The following RAD54B variants were observed in gnomAD, a reference collection of about 807,000 sequenced individuals.
RAD54B encodes RAD54 homolog B, also known as DNA repair and recombination protein RAD54B.
RAD54B carries 78 observed loss-of-function variants against 95.8 expected under a neutral mutation model. The observed-to-expected ratio is 0.81, with a 90% confidence interval of 0.68 to 0.98. The LOEUF (loss-of-function observed/expected upper bound fraction) is 0.98. RAD54B is among the 50% of genes least tolerant of loss of function. The pLI is 0.00. For missense variants in RAD54B, 957 were observed against 1,056.6 expected, an observed-to-expected ratio of 0.91 and a Z score of 1.31; for synonymous variants, 328 against 354.9, an observed-to-expected ratio of 0.92 and a Z score of 0.85.
At chr8:94,395,042 G>C (rs1811110904) in intron 8 of RAD54B, among the ~76,000 whole-genome samples, 1 of 152,164 alleles carries the variant, frequency 6.6e-6, no homozygotes. Context: ...GCCTCTAAAA[G>C]AATATGCATG....
rs1176493575 is a variant in RAD54B, at chr8:94,404,250, G to C, written c.782-11C>G. 1 of 1,578,634 alleles carries C rather than the reference G, an allele frequency of 6.3e-7. No homozygotes were observed. Among genetic ancestry groups the C allele is most frequent in the Non-Finnish European group, 8.6e-7 (1 of 1,164,166 alleles). ...GCATAACGAGGGAATCTTAAAAAATGATAAAAGTACAAGTATTGTAATTTC... is the reference window on the plus strand; with the variant it reads ...GCATAACGAGGGAATCTTAAAAAATCATAAAAGTACAAGTATTGTAATTTC... On this transcript the variant is annotated splice_polypyrimidine_tract_variant and intron_variant, in intron 5 of 14. Coordinates refer to ENST00000336148, the MANE Select transcript of RAD54B (RefSeq NM_012415.3).
intron 3 of RAD54B, among the ~76,000 whole-genome samples, chr8:94,445,184 G>A (rs1283465280): frequency 6.6e-6 from 1 of 152,022 alleles, no homozygotes; most frequent in Non-Finnish European, 1.5e-5. Flanking sequence ...TCAGTATGTC[G>A]TCACATGGTA....
intron 8 of RAD54B, among the ~76,000 whole-genome samples, chr8:94,394,710 A>T (rs1811101397): frequency 6.6e-6 from 1 of 152,222 alleles, no homozygotes; most frequent in Non-Finnish European, 1.5e-5. Flanking sequence ...TAATAGTGCC[A>T]AAAGAACATA....
chr8:94,396,751 A>G (rs1339235791), intron 8 of RAD54B, among the ~76,000 whole-genome samples: 1 of 152,156 alleles, frequency 6.6e-6, no homozygotes, highest in Admixed American at 6.6e-5. Context: ...TCCTATGTTG[A>G]AGCTCTAACC....
Position 94,393,420 on chromosome 8 carries a change from G to GT in RAD54B, c.1518+322dup, listed in dbSNP as rs1470126895. On this transcript the variant is annotated intron_variant, in intron 9 of 14. Transcript: ENST00000336148. Reference sequence around the variant, plus strand: ...TCAAGGCCAGACTGGGCAACGCAGAGTGACACCATCTCTAAATAAACAAAC... The same window carrying GT: ...TCAAGGCCAGACTGGGCAACGCAGAGTTGACACCATCTCTAAATAAACAAAC... 10 of 238,090 alleles carry GT rather than the reference G, an allele frequency of 4.2e-5. No individual in the cohort carries two copies. The East Asian group carries it at 1.5e-3, about 35-fold the overall frequency. 14.7% of individuals were successfully genotyped at this position (238,090 alleles called of 1,614,324 possible).
At chr8:94,400,086 C>A in intron 7 of RAD54B, 152 bp downstream of exon 7, 1 of 648,194 alleles carries the variant, frequency 1.5e-6, no homozygotes, top group Non-Finnish European at 2.7e-6. Context: ...GGGACACAAA[C>A]ATTCAGTCCA....
At chr8:94,433,168 C>T (rs1428625509) in intron 3 of RAD54B, among the ~76,000 whole-genome samples, 2 of 151,970 alleles carry the variant, frequency 1.3e-5, no homozygotes, top group African/African-American at 4.8e-5. Context: ...CTGCATTTGC[C>T]CAAAAAATAA....
At chr8:94,461,212 GC>G (rs1340017863) in intron 2 of RAD54B, among the ~76,000 whole-genome samples, 5 of 116,076 alleles carry the variant, frequency 4.3e-5, no homozygotes, top group African/African-American at 1.7e-4. Context: ...TGCTCTTGTG[GC>G]CCAGGCTGGA....
chr8:94,452,457 C>G (rs570290781), intron 3 of RAD54B, among the ~76,000 whole-genome samples: 3 of 152,172 alleles, frequency 2.0e-5, no homozygotes, highest in Non-Finnish European at 4.4e-5. Context: ...ACAATACACA[C>G]AAAAATGTTA....
intron 3 of RAD54B, among the ~76,000 whole-genome samples, chr8:94,424,738 A>T (rs1811901433): frequency 6.6e-6 from 1 of 152,198 alleles, no homozygotes; most frequent in African/African-American, 2.4e-5. Flanking sequence ...AGTGGTCGGC[A>T]TAAACAAGAG....
At chr8:94,413,497 T>G (rs1055058439) in intron 3 of RAD54B, among the ~76,000 whole-genome samples, 7 of 152,106 alleles carry the variant, frequency 4.6e-5, no homozygotes, top group Admixed American at 1.3e-4. Flanking sequence ...TGGATACACA[T>G]TTGGAAAAGA....
chr8:94,424,092 GA>G (rs943209073), intron 3 of RAD54B, among the ~76,000 whole-genome samples: 249 of 152,202 alleles, frequency 1.6e-3, no homozygotes, highest in African/African-American at 5.7e-3. Flanking sequence ...AAAAAACAAT[GA>G]ACAAGATAAC....
At chr8:94,425,158 A>G (rs983267755) in intron 3 of RAD54B, among the ~76,000 whole-genome samples, 2 of 150,662 alleles carry the variant, frequency 1.3e-5, no homozygotes, top group Admixed American at 1.3e-4. Context: ...TTAGTGAATG[A>G]TTCCTAAGCA....
chr8:94,433,692 C>T (rs540366710), intron 3 of RAD54B, among the ~76,000 whole-genome samples: 14 of 151,218 alleles, frequency 9.3e-5, no homozygotes, highest in Admixed American at 3.3e-4. Flanking sequence ...AATATCTGCT[C>T]CTTGAGGTTG....
At chr8:94,417,040 A>C (rs979677128) in intron 3 of RAD54B, among the ~76,000 whole-genome samples, 1 of 152,234 alleles carries the variant, frequency 6.6e-6, no homozygotes, top group African/African-American at 2.4e-5. Flanking sequence ...ACAATGGAAT[A>C]TAATTCCATC....
intron 11 of RAD54B, among the ~76,000 whole-genome samples, chr8:94,383,506 T>G (rs1810792818): frequency 6.6e-6 from 1 of 152,182 alleles, no homozygotes; most frequent in South Asian, 2.1e-4. Flanking sequence ...CAGTAAGGTA[T>G]TTTGAGAAAG....
rs1397364804 is a variant in RAD54B at position 94,393,739 on chromosome 8, A to G, written c.1518+4T>C. 1 of 1,564,046 alleles carries G rather than the reference A, an allele frequency of 6.4e-7. No homozygotes were observed. Among genetic ancestry groups the G allele is most frequent in the Admixed American group, 1.8e-5 (1 of 56,424 alleles). On this transcript the variant is annotated splice_donor_region_variant and intron_variant, in intron 9 of 14. Coordinates refer to ENST00000336148, the MANE Select transcript of RAD54B (RefSeq NM_012415.3). ...AAAAACCTATTTATTAGAGTAAATTATACCTCAGAAGCAGAAGGTTCTCTC... is the reference window on the plus strand; with the variant it reads ...AAAAACCTATTTATTAGAGTAAATTGTACCTCAGAAGCAGAAGGTTCTCTC...
intron 10 of RAD54B, 126 bp from the exon 11 acceptor site, chr8:94,387,285 T>G: frequency 1.3e-6 from 1 of 749,738 alleles, no homozygotes; most frequent in Non-Finnish European, 2.1e-6. Flanking sequence ...AAGAAACTGT[T>G]AGGTAAATCT....
intron 11 of RAD54B, among the ~76,000 whole-genome samples, chr8:94,383,160 C>G: frequency 6.6e-6 from 1 of 151,652 alleles, no homozygotes; most frequent in Non-Finnish European, 1.5e-5. Flanking sequence ...TAGCATCCCC[C>G]TGTAATTTCA....
Sources: gnomAD v4.1 joint callset for allele counts (sites outside exome capture counted in the v4.1 genomes callset) on GRCh38, gnomAD v4.1.1 for gene constraint, MANE v1.5 for transcripts, NCBI Gene and HGNC (gene_info 2026-07-23, HGNC 2026-07-21) for gene names.